Variants in CEP112 observed in about 807,000 individuals in gnomAD.
CEP112 encodes centrosomal protein of 112 kDa.
CEP112 carries 127 observed loss-of-function variants against 153.0 expected under a neutral mutation model. The ratio of observed to expected loss-of-function variants is 0.83; its 90% CI spans 0.72 to 0.96. The LOEUF (loss-of-function observed/expected upper bound fraction) is 0.96. Ranked by LOEUF, CEP112 falls within the 40% of genes least tolerant of loss-of-function variation. The pLI, the probability that CEP112 is intolerant of heterozygous loss-of-function variation, is 0.00. For synonymous variants in CEP112, 358 were observed against 374.4 expected, an observed-to-expected ratio of 0.96 and a Z score of 0.51; for missense variants, 1,089 against 1,101.2, an observed-to-expected ratio of 0.99 and a Z score of 0.16.
intron 19 of CEP112, among the ~76,000 whole-genome samples, chr17:65,910,609 G>C (rs965251347): frequency 2.2e-4 from 33 of 152,054 alleles, no homozygotes; most frequent in African/African-American, 7.2e-4. Flanking sequence ...TCACAAAATT[G>C]ATTCTAAATC....
At chr17:65,653,790 G>A (rs1345806615) in intron 24 of CEP112, among the ~76,000 whole-genome samples, 3 of 152,224 alleles carry the variant, frequency 2.0e-5, no homozygotes, top group Admixed American at 6.5e-5. Flanking sequence ...GGCTGGGCAC[G>A]TGGCTCATGC....
intron 18 of CEP112, among the ~76,000 whole-genome samples, chr17:65,954,918 C>A (rs1014092377): frequency 2.0e-5 from 3 of 152,142 alleles, no homozygotes; most frequent in African/African-American, 7.2e-5. Context: ...GATGAGAAAG[C>A]TAAAAGTTTG....
intron 4 of CEP112, among the ~76,000 whole-genome samples, chr17:66,145,833 C>T (rs2070894576): frequency 6.6e-6 from 1 of 152,040 alleles, no homozygotes; most frequent in African/African-American, 2.4e-5. Context: ...AAGTTCCCTT[C>T]TATTCCTAAT....
At chr17:65,801,240 G>A (rs577363058) in intron 21 of CEP112, among the ~76,000 whole-genome samples, 1 of 152,136 alleles carries the variant, frequency 6.6e-6, no homozygotes, top group East Asian at 1.9e-4. Context: ...TCTAATTTTT[G>A]TAGAGACGGG....
chr17:65,697,486 C>T (rs1488416574), intron 23 of CEP112, among the ~76,000 whole-genome samples: 22 of 151,962 alleles, frequency 1.4e-4, no homozygotes, highest in Non-Finnish European at 2.6e-4. Context: ...AGGTAAAATA[C>T]AAATAAAGCA....
chr17:65,927,018 T>A (rs2144173600), intron 19 of CEP112, among the ~76,000 whole-genome samples: 1 of 152,292 alleles, frequency 6.6e-6, no homozygotes, highest in South Asian at 2.1e-4. Flanking sequence ...TGCGGCCTTG[T>A]GGGAGGTGTT....
At chr17:65,723,101 A>G (rs946299416) in intron 23 of CEP112, among the ~76,000 whole-genome samples, 1 of 152,228 alleles carries the variant, frequency 6.6e-6, no homozygotes, top group Non-Finnish European at 1.5e-5. Context: ...GTAGAACACA[A>G]TCCATCTTGT....
At chr17:66,024,297 T>C (rs546542907) in intron 16 of CEP112, among the ~76,000 whole-genome samples, 4 of 152,058 alleles carry the variant, frequency 2.6e-5, no homozygotes, top group African/African-American at 2.4e-5. Flanking sequence ...CTATTCAACA[T>C]AGAACTAGAA....
intron 21 of CEP112, among the ~76,000 whole-genome samples, chr17:65,779,131 AT>A (rs760075932): frequency 3.3e-5 from 5 of 152,230 alleles, no homozygotes; most frequent in African/African-American, 4.8e-5. Context: ...TAAAGACATA[AT>A]TTAATATCAA....
Position 66,029,971 on chromosome 17 carries a change from G to T in CEP112, c.1271C>A (p.Ala424Glu). Residue 424 changes from alanine (A) to glutamate (E), a missense_variant, in exon 13 of 27, where the codon GCA becomes GAA. Coordinates refer to ENST00000535342, the MANE Select transcript of CEP112 (RefSeq NM_001199165.4). ...CTGCCTCTGTAAATTACTGTTCTCT[G>T]CTTCTCCAGTCAGCTGCTGGACACG... ...EARVQQLTGE[A>E]ENSNLQRQKL... 6.2e-7 allele frequency: 1 copy of T among 1,613,470 alleles called. No homozygotes were observed. Among genetic ancestry groups the T allele is most frequent in the Non-Finnish European group, 8.5e-7 (1 of 1,179,686 alleles).
chr17:65,872,061 G>A (rs1303452395), intron 20 of CEP112, among the ~76,000 whole-genome samples: 1 of 152,110 alleles, frequency 6.6e-6, no homozygotes, highest in Non-Finnish European at 1.5e-5. Flanking sequence ...TGTGGGCAAA[G>A]CCAAAGTAAA....
chr17:66,081,333 G>T (rs2067708903), intron 8 of CEP112, among the ~76,000 whole-genome samples: 1 of 152,024 alleles, frequency 6.6e-6, no homozygotes, highest in African/African-American at 2.4e-5. Context: ...AGAAAAATCA[G>T]AATAGTGGTT....
chr17:65,792,519 A>G (rs1202793620), intron 21 of CEP112, among the ~76,000 whole-genome samples: 1 of 152,188 alleles, frequency 6.6e-6, no homozygotes, highest in Admixed American at 6.6e-5. Context: ...CTCAAAGAAA[A>G]GTACTAAATT....
intron 21 of CEP112, among the ~76,000 whole-genome samples, chr17:65,819,149 T>C (rs2056411644): frequency 1.3e-5 from 2 of 151,950 alleles, no homozygotes; most frequent in Non-Finnish European, 1.5e-5. Flanking sequence ...CTGAAAAATG[T>C]GGAGTCAAAT....
chr17:66,039,150 G>A (rs2319116), intron 12 of CEP112, among the ~76,000 whole-genome samples: 78,262 of 151,914 alleles, frequency 0.52, 21,082 homozygotes, highest in African/African-American at 0.59. Context: ...TTTGGGAAAG[G>A]GTATTATTTT....
intron 8 of CEP112, among the ~76,000 whole-genome samples, chr17:66,090,105 A>C (rs1427412148): frequency 6.6e-6 from 1 of 152,096 alleles, no homozygotes; most frequent in Non-Finnish European, 1.5e-5. Flanking sequence ...AAATAAAGAA[A>C]AGTTAAAAAT....
At chr17:65,743,011 T>C (rs1225876727) in intron 23 of CEP112, 57 bp downstream of exon 23, 1 of 1,426,730 alleles carries the variant, frequency 7.0e-7, no homozygotes, top group East Asian at 2.4e-5. Flanking sequence ...ATTTCAGCCC[T>C]CCTTTTAATT....
chr17:65,916,281 G>A (rs1231452422), intron 19 of CEP112, among the ~76,000 whole-genome samples: 1 of 146,804 alleles, frequency 6.8e-6, no homozygotes, highest in Non-Finnish European at 1.5e-5. Context: ...GTGTGTGTGT[G>A]TGTGTGTGTG....
intron 18 of CEP112, among the ~76,000 whole-genome samples, chr17:65,937,027 G>T (rs2061335346): frequency 6.7e-6 from 1 of 149,234 alleles, no homozygotes; most frequent in African/African-American, 2.5e-5. Flanking sequence ...TGTGTTGGCC[G>T]GGCTGGTCTC....
Sources: gnomAD v4.1 joint callset for allele counts (sites outside exome capture counted in the v4.1 genomes callset) on GRCh38, gnomAD v4.1.1 for gene constraint, MANE v1.5 for transcripts, NCBI Gene and HGNC (gene_info 2026-07-23, HGNC 2026-07-21) for gene names.